The following VPS13B variants were observed in gnomAD, a reference collection of about 807,000 sequenced individuals.
The protein encoded by VPS13B is intermembrane lipid transfer protein VPS13B.
Under a neutral mutation model 426.4 loss-of-function variants are expected in VPS13B, and 285 were observed. The ratio of observed to expected loss-of-function variants is 0.67; its 90% CI spans 0.61 to 0.74. The LOEUF is 0.74. VPS13B is among the 30% of genes least tolerant of loss of function. The pLI, the probability that VPS13B is intolerant of heterozygous loss-of-function variation, is 0.00. For synonymous variants in VPS13B, 1,676 were observed against 1,676.4 expected (o/e 1.00, Z 0.01); for missense variants, 4,537 against 4,782.6 (o/e 0.95, Z 1.51).
intron 2 of VPS13B, 95 bp from the exon 3 acceptor site, chr8:99,038,328 T>C (rs1842832870): frequency 9.9e-7 from 1 of 1,014,574 alleles, no homozygotes; most frequent in Admixed American, 2.7e-5. Context: ...AATATTCTTG[T>C]GTTGGAAATT....
chr8:99,318,246 A>G (rs1809778853), intron 19 of VPS13B, among the ~76,000 whole-genome samples: 1 of 152,236 alleles, frequency 6.6e-6, no homozygotes, highest in African/African-American at 2.4e-5. Context: ...TCATGAGCAT[A>G]CTGATATTGA....
chr8:99,702,492 A>G (rs1286958688), intron 36 of VPS13B, among the ~76,000 whole-genome samples: 1 of 152,190 alleles, frequency 6.6e-6, no homozygotes, highest in Non-Finnish European at 1.5e-5. Flanking sequence ...TCTGCTGTAC[A>G]GATGTTATTG....
intron 55 of VPS13B, among the ~76,000 whole-genome samples, chr8:99,850,927 G>GA (rs950790968): frequency 7.9e-5 from 12 of 151,160 alleles, no homozygotes; most frequent in African/African-American, 1.2e-4. Context: ...CTCCATCTTG[G>GA]AAAAAAAACA....
chr8:99,631,492 C>A (rs1828845120), intron 33 of VPS13B, among the ~76,000 whole-genome samples: 1 of 152,008 alleles, frequency 6.6e-6, no homozygotes, highest in African/African-American at 2.4e-5. Context: ...TCACTGTGGT[C>A]ATTTATGATT....
At chr8:99,474,602 A>T (rs1819595054) in intron 24 of VPS13B, among the ~76,000 whole-genome samples, 1 of 152,230 alleles carries the variant, frequency 6.6e-6, no homozygotes, top group Non-Finnish European at 1.5e-5. Flanking sequence ...TGAATAGTCA[A>T]TAAGCATATG....
intron 16 of VPS13B, among the ~76,000 whole-genome samples, chr8:99,174,455 TTCA>T (rs1028792754): frequency 1.4e-4 from 21 of 152,168 alleles, no homozygotes; most frequent in African/African-American, 4.3e-4. Context: ...TCTCCATATT[TTCA>T]TCAACACTTA....
At chr8:99,103,337 T>G (rs1487508803) in intron 5 of VPS13B, among the ~76,000 whole-genome samples, 1 of 152,088 alleles carries the variant, frequency 6.6e-6, no homozygotes, top group Non-Finnish European at 1.5e-5. Context: ...GGTTTTTGTT[T>G]GTTTGTTTTT....
intron 54 of VPS13B, among the ~76,000 whole-genome samples, chr8:99,840,641 AT>A (rs765207588): frequency 6.6e-6 from 1 of 152,218 alleles, no homozygotes; most frequent in Non-Finnish European, 1.5e-5. Context: ...TGCATCTAAA[AT>A]CACTTTTAAA....
chr8:99,338,461 T>C (rs1811054063), intron 19 of VPS13B, among the ~76,000 whole-genome samples: 1 of 152,082 alleles, frequency 6.6e-6, no homozygotes. Flanking sequence ...TATAAGGATA[T>C]ATTTATATTT....
chr8:99,728,622 G>A (rs910466224), intron 39 of VPS13B, among the ~76,000 whole-genome samples: 3 of 152,156 alleles, frequency 2.0e-5, no homozygotes, highest in Admixed American at 6.5e-5. Context: ...TAATTGTTAG[G>A]GATGCTGGCT....
Position 99,019,223 on chromosome 8 carries a change from T to TG in VPS13B, c.147+5289dup, listed in dbSNP as rs1263696468. Among the ~76,000 whole-genome samples the TG allele has an allele frequency of 5.0e-3, 743 of 147,524 alleles. 9 individuals carry two copies. The highest frequency in any genetic ancestry group is 0.018 in the African/African-American group (715 of 40,148). ...TTAAACATTTTTTTTTTTTTTTTTTTGAGATAGAGTTTCACTCTTGTTGCC... is the reference window on the plus strand; with the variant it reads ...TTAAACATTTTTTTTTTTTTTTTTTTGGAGATAGAGTTTCACTCTTGTTGCC... On this transcript the variant is annotated intron_variant, in intron 2 of 61. Coordinates refer to ENST00000357162, the MANE Select transcript of VPS13B (RefSeq NM_152564.5).
rs114693491 is a variant in VPS13B, at chr8:99,790,941, A to C, written c.7941+6465A>C. 4.8e-3 allele frequency among the ~76,000 whole-genome samples: 735 copies of C among 152,296 alleles called. 6 individuals carry two copies. Among genetic ancestry groups the C allele is most frequent in the African/African-American group, 0.017 (703 of 41,580 alleles). On this transcript the variant is annotated intron_variant, in intron 43 of 61. Coordinates refer to ENST00000357162, the MANE Select transcript of VPS13B (RefSeq NM_152564.5). Reference sequence around the variant, plus strand: ...AGGCTAAGGCCATGAGGGCTCCTGTATGCTGTGCTAAGAAGTTTTAATACC... The same window carrying C: ...AGGCTAAGGCCATGAGGGCTCCTGTCTGCTGTGCTAAGAAGTTTTAATACC...
intron 21 of VPS13B, among the ~76,000 whole-genome samples, chr8:99,395,775 G>C (rs1175636318): frequency 1.3e-5 from 2 of 152,116 alleles, no homozygotes; most frequent in African/African-American, 4.8e-5. Context: ...AATAGAAATA[G>C]GCTGAGAAAT....
At chr8:99,317,280 G>A (rs994242158) in intron 19 of VPS13B, among the ~76,000 whole-genome samples, 9 of 152,134 alleles carry the variant, frequency 5.9e-5, no homozygotes, top group Non-Finnish European at 1.2e-4. Context: ...ATGGGGTACA[G>A]TGTGATGTTT....
intron 29 of VPS13B, among the ~76,000 whole-genome samples, chr8:99,519,839 ATAC>A (rs1822278337): frequency 6.6e-6 from 1 of 152,008 alleles, no homozygotes. Context: ...ATTAGGAGAT[ATAC>A]CTAATGTAAA....
Position 99,108,882 on chromosome 8 carries a change from T to C in VPS13B, c.581-2216T>C, listed in dbSNP as rs1588046236. On this transcript the variant is annotated intron_variant, in intron 5 of 61. Transcript: ENST00000357162. ...ATTGCTTTGGATAGTATGGAAATGA[T>C]TTTGGAAGAATTCCCTCCACTTCAA... Among the ~76,000 whole-genome samples, 3 of 152,266 alleles carry C rather than the reference T, an allele frequency of 2.0e-5. No individual in the cohort carries two copies. In the South Asian group the frequency reaches 6.2e-4, roughly 32 times the overall value.
chr8:99,714,010 G>T (rs1375023205), intron 36 of VPS13B, among the ~76,000 whole-genome samples: 1 of 151,816 alleles, frequency 6.6e-6, no homozygotes, highest in East Asian at 1.9e-4. Context: ...CATGTTGGTG[G>T]GTGCCTGTAA....
intron 19 of VPS13B, among the ~76,000 whole-genome samples, chr8:99,355,939 G>A (rs985518215): frequency 6.6e-6 from 1 of 152,128 alleles, no homozygotes; most frequent in African/African-American, 2.4e-5. Flanking sequence ...TTGGCATAGA[G>A]TTGGTGCCTA....
intron 3 of VPS13B, among the ~76,000 whole-genome samples, chr8:99,054,474 T>A (rs901803577): frequency 6.6e-6 from 1 of 152,250 alleles, no homozygotes; most frequent in African/African-American, 2.4e-5. Flanking sequence ...CTTAGCAGAT[T>A]ATGATTTTCA....
Sources: gnomAD v4.1 joint callset for allele counts (sites outside exome capture counted in the v4.1 genomes callset) on GRCh38, gnomAD v4.1.1 for gene constraint, MANE v1.5 for transcripts, NCBI Gene and HGNC (gene_info 2026-07-23, HGNC 2026-07-21) for gene names.